Variants in SCAI observed in about 807,000 individuals in gnomAD.
The protein encoded by SCAI is suppressor of cancer cell invasion.
In SCAI, 24 loss-of-function variants were observed where a neutral mutation model predicts 92.2. That is an observed-to-expected ratio of 0.26 (90% confidence interval 0.19 to 0.37). The LOEUF (loss-of-function observed/expected upper bound fraction) is 0.37, where lower values mean the gene tolerates loss of function less well. Ranked by LOEUF, SCAI falls within the 10% of genes least tolerant of loss-of-function variation. The pLI is 1.00. For missense variants in SCAI, 450 were observed against 736.2 expected (o/e 0.61, Z 4.50); for synonymous variants, 261 against 258.6 (o/e 1.01, Z -0.09).
At chr9:124,961,618 C>T (rs1473239664) in intron 17 of SCAI, among the ~76,000 whole-genome samples, 1 of 149,084 alleles carries the variant, frequency 6.7e-6, no homozygotes, top group East Asian at 2.0e-4. Flanking sequence ...CCATTGTACT[C>T]CAGCCTAGGC....
intron 3 of SCAI, among the ~76,000 whole-genome samples, chr9:125,039,867 A>G (rs370184868): frequency 6.6e-6 from 1 of 152,236 alleles, no homozygotes; most frequent in Non-Finnish European, 1.5e-5. Context: ...GGAACTAGTA[A>G]TAAGCATGGA....
chr9:125,073,575 G>A (rs1834025766), intron 2 of SCAI, among the ~76,000 whole-genome samples: 1 of 152,050 alleles, frequency 6.6e-6, no homozygotes, highest in Admixed American at 6.6e-5. Context: ...AATGAGTGTA[G>A]TTTTGATTTG....
chr9:125,100,114 C>A (rs1006791972), intron 2 of SCAI, among the ~76,000 whole-genome samples: 1 of 152,216 alleles, frequency 6.6e-6, no homozygotes, highest in African/African-American at 2.4e-5. Context: ...AACTGCCATA[C>A]TTTAATGTAA....
chr9:125,132,780 A>G (rs1266514000), intron 2 of SCAI, among the ~76,000 whole-genome samples: 1 of 152,078 alleles, frequency 6.6e-6, no homozygotes, highest in Non-Finnish European at 1.5e-5. Flanking sequence ...CAGCCTGACC[A>G]ACATGGTGAA....
intron 2 of SCAI, among the ~76,000 whole-genome samples, chr9:125,120,947 A>T (rs1306075432): frequency 6.6e-6 from 1 of 152,000 alleles, no homozygotes; most frequent in African/African-American, 2.4e-5. Flanking sequence ...AAGAGTGATA[A>T]AATAAGGAAA....
intron 2 of SCAI, among the ~76,000 whole-genome samples, chr9:125,095,377 T>C (rs1834524470): frequency 6.6e-6 from 1 of 152,236 alleles, no homozygotes; most frequent in African/African-American, 2.4e-5. Flanking sequence ...CAAATTCTGC[T>C]TTCTGGAGCC....
intron 14 of SCAI, among the ~76,000 whole-genome samples, chr9:124,989,042 G>C (rs538088505): frequency 1.3e-5 from 2 of 152,278 alleles, no homozygotes; most frequent in Admixed American, 1.3e-4. Context: ...GGGAGGCTGA[G>C]GCAGGAGAAT....
At chr9:125,066,007 A>G (rs375014858) in intron 2 of SCAI, 8 of 771,598 alleles carry the variant, frequency 1.0e-5, no homozygotes, top group South Asian at 8.5e-5. Flanking sequence ...TGAAATGTTG[A>G]TATCTTTCCC....
intron 9 of SCAI, among the ~76,000 whole-genome samples, chr9:125,004,707 T>C (rs1443154764): frequency 7.7e-6 from 1 of 130,532 alleles, no homozygotes; most frequent in Non-Finnish European, 1.6e-5. Flanking sequence ...TTTGATGAAT[T>C]AGCTATGCTG....
intron 6 of SCAI, among the ~76,000 whole-genome samples, chr9:125,022,430 A>C (rs373542794): frequency 1.3e-5 from 2 of 152,214 alleles, no homozygotes; most frequent in South Asian, 4.1e-4. Context: ...ATTTATTTAA[A>C]AGAGACAGTC....
intron 9 of SCAI, among the ~76,000 whole-genome samples, chr9:125,009,957 G>A (rs1832596233): frequency 6.6e-6 from 1 of 152,132 alleles, no homozygotes; most frequent in Non-Finnish European, 1.5e-5. Flanking sequence ...CACTTTGGGA[G>A]GCCAAGGTGC....
intron 7 of SCAI, among the ~76,000 whole-genome samples, 187 bp from the exon 8 acceptor site, chr9:125,019,392 A>T (rs1262380158): frequency 6.6e-6 from 1 of 152,204 alleles, no homozygotes; most frequent in Non-Finnish European, 1.5e-5. Flanking sequence ...CAAACTTCAG[A>T]ATAACACCCA....
intron 9 of SCAI, among the ~76,000 whole-genome samples, chr9:125,005,502 T>C (rs558861994): frequency 6.6e-5 from 10 of 152,202 alleles, no homozygotes; most frequent in East Asian, 1.9e-4. Flanking sequence ...CAGCTAATTT[T>C]GTATTTTTAG....
Position 125,107,807 on chromosome 9 carries a change from C to T in SCAI, c.98+34826G>A, listed in dbSNP as rs527849010. Among the ~76,000 whole-genome samples the T allele has an allele frequency of 8.9e-4, 136 of 152,144 alleles. 1 individual carries two copies. Among genetic ancestry groups the T allele is most frequent in the Admixed American group, 2.1e-3 (32 of 15,290 alleles). On this transcript the variant is annotated intron_variant, in intron 2 of 17. Coordinates refer to ENST00000336505, the MANE Select transcript of SCAI (RefSeq NM_001144877.3). ...AAAATGAGTAAATAAGCTCCCTCTC[C>T]CCTCTCCCCTCTCCATCTCCCTCTC...
chr9:125,013,327 AT>A (rs1832677824), intron 9 of SCAI, among the ~76,000 whole-genome samples: 1 of 152,188 alleles, frequency 6.6e-6, no homozygotes, highest in Admixed American at 6.5e-5. Context: ...AATAGACGCA[AT>A]AAAAAATGAT....
At chr9:124,992,451 T>C (rs1275470043) in intron 14 of SCAI, among the ~76,000 whole-genome samples, 1 of 151,878 alleles carries the variant, frequency 6.6e-6, no homozygotes, top group Non-Finnish European at 1.5e-5. Flanking sequence ...TGGCACGATC[T>C]TGGCTCACTG....
At chr9:124,981,985 A>G (rs538299559) in intron 14 of SCAI, among the ~76,000 whole-genome samples, 1 of 151,556 alleles carries the variant, frequency 6.6e-6, no homozygotes, top group African/African-American at 2.4e-5. Flanking sequence ...ATTCAGATAA[A>G]CTCTTTTGAT....
In SCAI at chr9:125,019,529, G is replaced by A. The variant is rs142998080; in HGVS notation, c.610-324C>T. 1.6e-3 allele frequency among the ~76,000 whole-genome samples: 243 copies of A among 152,234 alleles called. 1 individual carries two copies. Among genetic ancestry groups the A allele is most frequent in the African/African-American group, 5.7e-3 (235 of 41,550 alleles). ...ATAAAAAAAAATGAGGCTGGATGCA[G>A]TATCTCATACCTGTAATCCCAGCCC... On this transcript the variant is annotated intron_variant, in intron 7 of 17. Transcript: ENST00000336505.
At chr9:125,069,055 A>AGAGAC (rs1833925450) in intron 2 of SCAI, among the ~76,000 whole-genome samples, 2 of 151,548 alleles carry the variant, frequency 1.3e-5, no homozygotes, top group East Asian at 4.0e-4. Flanking sequence ...TGTCTCTACT[A>AGAGAC]AAAATACAAA....
Sources: allele counts gnomAD v4.1 joint callset (sites outside exome capture counted in the v4.1 genomes callset), GRCh38; gene constraint gnomAD v4.1.1; transcripts MANE v1.5; gene names NCBI Gene and HGNC (gene_info 2026-07-23, HGNC 2026-07-21).